The following SAMD4A variants were observed in gnomAD, a reference collection of about 807,000 sequenced individuals.
The protein encoded by SAMD4A is protein Smaug homolog 1.
SAMD4A carries 33 observed loss-of-function variants against 81.3 expected under a neutral mutation model. The ratio of observed to expected loss-of-function variants is 0.41; its 90% confidence interval spans 0.31 to 0.54. The LOEUF (loss-of-function observed/expected upper bound fraction) is 0.54. SAMD4A is among the 20% of genes least tolerant of loss of function. SAMD4A has a pLI of 0.37. For synonymous variants in SAMD4A, 389 were observed against 382.1 expected (o/e 1.02, Z -0.21); for missense variants, 854 against 951.1 (o/e 0.90, Z 1.34).
At chr14:54,737,682 A>G (rs2037735272) in intron 4 of SAMD4A, among the ~76,000 whole-genome samples, 1 of 151,094 alleles carries the variant, frequency 6.6e-6, no homozygotes, top group Non-Finnish European at 1.5e-5. Context: ...GGGACCTGTC[A>G]GTAATTCAGA....
chr14:54,734,662 C>T (rs1388361662), intron 3 of SAMD4A, among the ~76,000 whole-genome samples: 1 of 152,142 alleles, frequency 6.6e-6, no homozygotes, highest in Non-Finnish European at 1.5e-5. Flanking sequence ...CTGACAGCTT[C>T]CCCAAGGATG....
rs553259343 is a variant in SAMD4A at position 54,792,952 on chromosome 14, T to C, written c.*4008T>C. On this transcript the variant is annotated 3_prime_UTR_variant, in exon 13 of 13. Transcript: ENST00000554335. ...GTTGCATGCCCTGTGCAGGCATCTG[T>C]ATTGTACATGCATGCCTTTCGTCCT... The C allele has an allele frequency of 6.6e-6, 1 of 152,368 alleles. No individual in the cohort carries two copies. The highest frequency in any genetic ancestry group is 2.4e-5 in the African/African-American group (1 of 41,596). 9.4% of individuals were successfully genotyped at this position (152,368 alleles called of 1,614,324 possible). A position where few individuals can be genotyped will look rare whatever the true frequency, so the allele number is the denominator to read the frequency against.
intron 2 of SAMD4A, among the ~76,000 whole-genome samples, chr14:54,691,506 C>G (rs1292952147): frequency 6.8e-6 from 1 of 147,758 alleles, no homozygotes; most frequent in Non-Finnish European, 1.5e-5. Flanking sequence ...TCTTCTTACC[C>G]ACTGCCCAAG....
In SAMD4A at chr14:54,700,262, G is replaced by T. The variant is rs550877769; in HGVS notation, c.197-1800G>T. Among the ~76,000 whole-genome samples the T allele has an allele frequency of 6.6e-5, 10 of 152,116 alleles. No homozygotes were observed. In the South Asian group the frequency reaches 1.9e-3, roughly 28 times the overall value. Reference sequence around the variant, plus strand: ...CATGGAGGGGCAGATGCTATTTGGGGCTCAGAGAAGGTATTTGGGGCTCAG... The same window carrying T: ...CATGGAGGGGCAGATGCTATTTGGGTCTCAGAGAAGGTATTTGGGGCTCAG... On this transcript the variant is annotated intron_variant, in intron 2 of 12. Transcript: ENST00000554335.
chr14:54,602,620 C>T (rs188288672), intron 2 of SAMD4A, among the ~76,000 whole-genome samples: 9 of 151,084 alleles, frequency 6.0e-5, no homozygotes, highest in East Asian at 3.9e-4. Flanking sequence ...CATTCACCTT[C>T]GGGACATCAC....
At chr14:54,679,899 A>G (rs1282627441) in intron 2 of SAMD4A, among the ~76,000 whole-genome samples, 1 of 152,202 alleles carries the variant, frequency 6.6e-6, no homozygotes, top group East Asian at 1.9e-4. Context: ...AGTCTTCAAG[A>G]TTTGACAAGA....
Position 54,702,491 on chromosome 14 carries a change from G to T in SAMD4A, c.626G>T (p.Ser209Ile). 1 of 1,614,208 alleles carries T rather than the reference G, an allele frequency of 6.2e-7. No homozygotes were observed. The highest frequency in any genetic ancestry group is 1.3e-5 in the African/African-American group (1 of 75,068). ...AATGCCTCCAACTGGCAGGACAAAA[G>T]CATGGGGTGTGAGAATGGCCATGTG... ...CINASNWQDK[S>I]MGCENGHVPL... Residue 209 changes from serine to isoleucine, a missense_variant, in exon 3 of 13, where the codon AGC (serine) becomes ATC (isoleucine). Transcript: ENST00000554335.
chr14:54,592,519 G>A (rs1594705238), intron 2 of SAMD4A, among the ~76,000 whole-genome samples: 1 of 152,146 alleles, frequency 6.6e-6, no homozygotes, highest in Non-Finnish European at 1.5e-5. Flanking sequence ...GAGTGCAGTG[G>A]TGCGATCTCG....
chr14:54,615,140 G>A (rs140111028), intron 2 of SAMD4A, among the ~76,000 whole-genome samples: 54 of 152,230 alleles, frequency 3.5e-4, no homozygotes, highest in African/African-American at 1.2e-3. Context: ...TGGCACTCTT[G>A]GTCATCTGTC....
rs2035623384 is a variant in SAMD4A at position 54,660,718 on chromosome 14, A to G, written c.197-41344A>G. 2.0e-5 allele frequency among the ~76,000 whole-genome samples: 3 copies of G among 152,242 alleles called. No homozygotes were observed. In the South Asian group the frequency reaches 6.2e-4, roughly 31 times the overall value. On this transcript the variant is annotated intron_variant, in intron 2 of 12. Transcript: ENST00000554335. ...GAGAGAGACTGTCTAGAATCTGATT[A>G]TGTGTTTTAACAGCAGCCCCCTTGA...
chr14:54,666,247 C>G (rs2035754329), intron 2 of SAMD4A, among the ~76,000 whole-genome samples: 2 of 152,176 alleles, frequency 1.3e-5, no homozygotes, highest in South Asian at 4.1e-4. Flanking sequence ...CTGGATATAG[C>G]AAAGCTACAT....
At chr14:54,736,140 C>T (rs72713424) in intron 3 of SAMD4A, among the ~76,000 whole-genome samples, 2,696 of 152,270 alleles carry the variant, frequency 0.018, 75 homozygotes, top group Admixed American at 0.077. Flanking sequence ...TGTTAAATCC[C>T]TCCCTCGAAT....
intron 2 of SAMD4A, among the ~76,000 whole-genome samples, chr14:54,632,733 T>C (rs531132724): frequency 6.6e-6 from 1 of 152,360 alleles, no homozygotes; most frequent in East Asian, 1.9e-4. Context: ...GTCTGAATCC[T>C]CAATTTACCA....
At chr14:54,775,168 C>T (rs778341753) in intron 10 of SAMD4A, 33 bp downstream of exon 10, 2 of 1,613,032 alleles carry the variant, frequency 1.2e-6, no homozygotes, top group South Asian at 1.1e-5. Flanking sequence ...AGGAGGATGG[C>T]CAAGCTCAAG....
chr14:54,675,276 G>A (rs2035966492), intron 2 of SAMD4A, among the ~76,000 whole-genome samples: 1 of 148,604 alleles, frequency 6.7e-6, no homozygotes, highest in African/African-American at 2.5e-5. Flanking sequence ...TGAGGCAGGA[G>A]AATCACTTGA....
chr14:54,568,003 G>T lies in SAMD4A; in HGVS notation c.87G>T (p.Leu29=). The part of the protein sequence containing the change: ...ECEQTVALLS[L]LKRVSQTQAR... ...AGCAGACTGTTGCGCTGCTGTCGCT[G>T]CTCAAGCGCGTGAGCCAGACCCAGG... Residue 29 remains leucine (L), a synonymous_variant, in exon 2 of 13, where the codon CTG becomes CTT. Coordinates refer to ENST00000554335, the MANE Select transcript of SAMD4A (RefSeq NM_015589.6). The T allele has an allele frequency of 6.2e-7, 1 of 1,608,542 alleles. No homozygotes were observed.
At chr14:54,722,996 A>G (rs7148113) in intron 3 of SAMD4A, among the ~76,000 whole-genome samples, 129,792 of 152,114 alleles carry the variant, frequency 0.85, 57,430 homozygotes, top group South Asian at 0.96. Context: ...GCTCTATACC[A>G]ACCCCATCTG....
intron 2 of SAMD4A, among the ~76,000 whole-genome samples, chr14:54,592,494 C>G (rs1452351681): frequency 6.6e-6 from 1 of 152,174 alleles, no homozygotes; most frequent in African/African-American, 2.4e-5. Context: ...AAGTCTCGCT[C>G]TGTCGCCCAG....
intron 2 of SAMD4A, among the ~76,000 whole-genome samples, chr14:54,601,665 C>T (rs948062630): frequency 9.2e-5 from 14 of 152,240 alleles, no homozygotes; most frequent in Admixed American, 3.9e-4. Flanking sequence ...GAATTTGTTG[C>T]GGTTAAACAG....
Sources: allele counts gnomAD v4.1 joint callset (sites outside exome capture counted in the v4.1 genomes callset), GRCh38; gene constraint gnomAD v4.1.1; transcripts MANE v1.5; gene names NCBI Gene and HGNC (gene_info 2026-07-23, HGNC 2026-07-21).